Variants in CCBE1 observed in about 807,000 individuals in gnomAD.
CCBE1 encodes collagen and calcium binding EGF domains 1, also known as collagen and calcium-binding EGF domain-containing protein 1.
Under a neutral mutation model 50.0 loss-of-function variants are expected in CCBE1, and 37 were observed. The ratio of observed to expected loss-of-function variants is 0.74; its 90% CI spans 0.57 to 0.97. The LOEUF (loss-of-function observed/expected upper bound fraction) is 0.97, where lower values mean the gene tolerates loss of function less well. CCBE1 is among the 50% of genes least tolerant of loss of function. CCBE1 has a pLI of 0.00. For synonymous variants in CCBE1, 234 were observed against 203.7 expected (o/e 1.15, Z -1.27); for missense variants, 538 against 523.8 (o/e 1.03, Z -0.26).
intron 2 of CCBE1, among the ~76,000 whole-genome samples, chr18:59,492,076 G>T (rs1197957669): frequency 6.6e-6 from 1 of 150,470 alleles, no homozygotes; most frequent in African/African-American, 2.4e-5. Context: ...ACCTGGAAGG[G>T]GGAGGTTGCA....
intron 2 of CCBE1, among the ~76,000 whole-genome samples, chr18:59,695,018 C>T (rs2054785891): frequency 1.3e-5 from 2 of 152,280 alleles, no homozygotes; most frequent in South Asian, 2.1e-4. Flanking sequence ...ATAAAAGAAA[C>T]ACCACACTGC....
chr18:59,636,923 C>T (rs920674010), intron 2 of CCBE1, among the ~76,000 whole-genome samples: 5 of 152,172 alleles, frequency 3.3e-5, no homozygotes, highest in African/African-American at 9.7e-5. Context: ...TTGATAGTGT[C>T]TTTAAATGCA....
At chr18:59,521,431 T>C (rs1421373799) in intron 2 of CCBE1, among the ~76,000 whole-genome samples, 1 of 152,182 alleles carries the variant, frequency 6.6e-6, no homozygotes, top group African/African-American at 2.4e-5. Flanking sequence ...TGTTTTTTGT[T>C]TTTTTTTCTT....
intron 2 of CCBE1, among the ~76,000 whole-genome samples, chr18:59,655,888 A>G (rs974580290): frequency 5.9e-5 from 9 of 152,316 alleles, no homozygotes; most frequent in African/African-American, 1.7e-4. Flanking sequence ...ACATACCACC[A>G]CTGGGAAAGC....
intron 2 of CCBE1, among the ~76,000 whole-genome samples, chr18:59,529,273 C>A (rs552171989): frequency 6.6e-6 from 1 of 152,330 alleles, no homozygotes; most frequent in African/African-American, 2.4e-5. Flanking sequence ...CTGTGCTGTG[C>A]TGTGGGGAAT....
At chr18:59,536,995 A>AC (rs965003308) in intron 2 of CCBE1, among the ~76,000 whole-genome samples, 16 of 152,000 alleles carry the variant, frequency 1.1e-4, no homozygotes, top group Admixed American at 2.0e-4. Flanking sequence ...TGTCTCAAAA[A>AC]AAAAAAAAAA....
chr18:59,622,691 C>T (rs917161642), intron 2 of CCBE1, among the ~76,000 whole-genome samples: 1 of 151,242 alleles, frequency 6.6e-6, no homozygotes, highest in African/African-American at 2.4e-5. Flanking sequence ...ATCCCAGCTA[C>T]TTAGGAAGCT....
At chr18:59,446,255 C>T (rs907017175) in intron 7 of CCBE1, among the ~76,000 whole-genome samples, 3 of 152,184 alleles carry the variant, frequency 2.0e-5, no homozygotes, top group Non-Finnish European at 4.4e-5. Context: ...ATTTATTAAG[C>T]AAGACAGCCA....
chr18:59,461,791 G>A (rs1361316086), intron 5 of CCBE1, among the ~76,000 whole-genome samples: 1 of 138,758 alleles, frequency 7.2e-6, no homozygotes, highest in Non-Finnish European at 1.5e-5. Flanking sequence ...CAAGTGCAAT[G>A]GTGTGATCTC....
At chr18:59,496,109 G>A (rs938847960) in intron 2 of CCBE1, among the ~76,000 whole-genome samples, 1 of 152,138 alleles carries the variant, frequency 6.6e-6, no homozygotes, top group Non-Finnish European at 1.5e-5. Context: ...TTAAGAGATA[G>A]TGCCTTGGTG....
At chr18:59,573,484 A>C (rs1020049702) in intron 2 of CCBE1, among the ~76,000 whole-genome samples, 16 of 151,536 alleles carry the variant, frequency 1.1e-4, no homozygotes, top group Admixed American at 1.3e-4. Flanking sequence ...GTTTTAACTT[A>C]CGAAGCACCA....
intron 5 of CCBE1, among the ~76,000 whole-genome samples, chr18:59,458,385 G>A (rs1428755864): frequency 1.6e-5 from 2 of 121,318 alleles, no homozygotes; most frequent in Non-Finnish European, 3.6e-5. Flanking sequence ...TTGGCAGAGC[G>A]GGGCCGCCAT....
intron 2 of CCBE1, among the ~76,000 whole-genome samples, chr18:59,590,983 G>A (rs1599041388): frequency 3.1e-5 from 1 of 32,282 alleles, no homozygotes; most frequent in Admixed American, 3.1e-4. Flanking sequence ...GGTGGCTCAC[G>A]CTTGTAATCC....
chr18:59,570,107 A>G (rs1342010941), intron 2 of CCBE1, among the ~76,000 whole-genome samples: 3 of 152,240 alleles, frequency 2.0e-5, no homozygotes, highest in Non-Finnish European at 4.4e-5. Context: ...ATTGTTTTAG[A>G]TGTGGTGAGA....
intron 2 of CCBE1, among the ~76,000 whole-genome samples, chr18:59,615,891 A>G (rs1015680074): frequency 1.3e-5 from 2 of 152,216 alleles, no homozygotes; most frequent in Admixed American, 6.5e-5. Context: ...TCATAGAGCA[A>G]AGAGGACACT....
chr18:59,448,068 G>A lies in CCBE1; in HGVS notation c.690C>T (p.Gly230=). ...GCACCTTGTCACCAGTGATATACTT[G>A]CCCAGGTCAGCTGCATTGTTGGGGA... ...ALLPNNAADL[G]KYITGDKVLA... The change falls in exon 7 of 11, where the codon GGC becomes GGT. Residue 230 remains glycine (G), a synonymous_variant. Coordinates refer to ENST00000439986, the MANE Select transcript of CCBE1 (RefSeq NM_133459.4). 1 of 1,614,118 alleles carries A rather than the reference G, an allele frequency of 6.2e-7. No individual in the cohort carries two copies. Among genetic ancestry groups the A allele is most frequent in the Non-Finnish European group, 8.5e-7 (1 of 1,180,012 alleles).
intron 2 of CCBE1, among the ~76,000 whole-genome samples, chr18:59,646,064 G>C (rs1200592602): frequency 6.6e-6 from 1 of 151,946 alleles, no homozygotes; most frequent in Non-Finnish European, 1.5e-5. Flanking sequence ...GGTATCAAAA[G>C]GCAGCAGTTT....
At chr18:59,597,610 C>T (rs576003098) in intron 2 of CCBE1, among the ~76,000 whole-genome samples, 30 of 152,136 alleles carry the variant, frequency 2.0e-4, no homozygotes, top group African/African-American at 5.3e-4. Context: ...GAAGAAAAAA[C>T]GGGGAAAAGT....
intron 7 of CCBE1, among the ~76,000 whole-genome samples, chr18:59,444,530 T>G (rs1910587153): frequency 6.7e-6 from 1 of 149,774 alleles, no homozygotes; most frequent in African/African-American, 2.5e-5. Context: ...CGGTGGTTTT[T>G]TTTTGAGAGG....
Sources: gnomAD v4.1 joint callset for allele counts (sites outside exome capture counted in the v4.1 genomes callset) on GRCh38, gnomAD v4.1.1 for gene constraint, MANE v1.5 for transcripts, NCBI Gene and HGNC (gene_info 2026-07-23, HGNC 2026-07-21) for gene names.